Variants in ROCK2 observed in about 807,000 individuals in gnomAD.
The protein encoded by ROCK2 is Rho associated coiled-coil containing protein kinase 2.
ROCK2 carries 61 observed loss-of-function variants against 195.1 expected under a neutral mutation model. The observed-to-expected ratio is 0.31, with a 90% confidence interval of 0.25 to 0.39. The LOEUF (loss-of-function observed/expected upper bound fraction) is 0.39, where lower values mean the gene tolerates loss of function less well. ROCK2 is among the 10% of genes least tolerant of loss of function. The probability of loss-of-function intolerance (pLI) is 1.00; values close to 1 mark genes in which losing one functional copy is unlikely to be tolerated. For synonymous variants in ROCK2, 504 were observed against 545.5 expected (o/e 0.92, Z 1.06); for missense variants, 1,109 against 1,637.4 (o/e 0.68, Z 5.57).
chr2:11,255,216 C>CAAAAAAAAAAAA (rs70953375), intron 3 of ROCK2, among the ~76,000 whole-genome samples: 2 of 109,174 alleles, frequency 1.8e-5, no homozygotes, highest in African/African-American at 8.5e-5. Flanking sequence ...GACCCCATCT[C>CAAAAAAAAAAAA]AAAAAAAAAA....
Position 11,192,082 on chromosome 2 carries a change from T to G in ROCK2, c.4163+66A>C. Reference sequence around the variant, plus strand: ...AAACTAATTAGGAAAATTTGTAGTTTGAACATAAATAGCAAAATATTTTAA... The same window carrying G: ...AAACTAATTAGGAAAATTTGTAGTTGGAACATAAATAGCAAAATATTTTAA... On this transcript the variant is annotated intron_variant, in intron 32 of 32. Coordinates refer to ENST00000315872, the MANE Select transcript of ROCK2 (RefSeq NM_004850.5). This position sits in a 1 kb window ranked among gnomAD's most constrained non-coding sequence, Gnocchi z 5.0. 5.0e-6 allele frequency: 6 copies of G among 1,194,744 alleles called. No individual in the cohort carries two copies. In the South Asian group the frequency reaches 8.8e-5, roughly 18 times the overall value. 74.0% of individuals were successfully genotyped at this position (1,194,744 alleles called of 1,614,324 possible).
chr2:11,272,921 C>T (rs1198414980), intron 3 of ROCK2, among the ~76,000 whole-genome samples: 1 of 149,014 alleles, frequency 6.7e-6, no homozygotes, highest in African/African-American at 2.5e-5. Context: ...TGAAGCTAAG[C>T]TGGTATAAAT....
intron 3 of ROCK2, among the ~76,000 whole-genome samples, chr2:11,271,753 C>T (rs1306646030): frequency 1.3e-5 from 2 of 152,126 alleles, no homozygotes; most frequent in African/African-American, 4.8e-5. Context: ...CGGGGCTGGG[C>T]GCGGTGGCTC....
intron 32 of ROCK2, among the ~76,000 whole-genome samples, chr2:11,185,608 A>G (rs1398460763): frequency 2.0e-5 from 3 of 152,154 alleles, no homozygotes; most frequent in Admixed American, 6.5e-5. Context: ...AGGTGCCTGT[A>G]ATCACAGCTA....
rs777811453 is a variant in ROCK2, at chr2:11,183,398, A to G, written c.*39T>C. 1 of 1,569,446 alleles carries G rather than the reference A, an allele frequency of 6.4e-7. No individual in the cohort carries two copies. The highest frequency in any genetic ancestry group is 1.4e-5 in the African/African-American group (1 of 72,940). On this transcript the variant is annotated 3_prime_UTR_variant, in exon 33 of 33. Transcript: ENST00000315872. ...TCAGTCTTGTTTTCACTGGAAGAAT[A>G]CGATCACCTTGAATAATGACTGCTT...
intron 1 of ROCK2, among the ~76,000 whole-genome samples, chr2:11,315,840 C>T (rs1306091293): frequency 6.6e-6 from 1 of 151,986 alleles, no homozygotes; most frequent in Non-Finnish European, 1.5e-5. Context: ...GTACCAGGGG[C>T]CTTCTTCAGT....
intron 23 of ROCK2, among the ~76,000 whole-genome samples, chr2:11,200,154 T>C (rs972290086): frequency 7.9e-5 from 12 of 152,214 alleles, no homozygotes; most frequent in Admixed American, 7.9e-4. Context: ...TCTTTAATCT[T>C]ATCTTACTGA....
chr2:11,343,554 T>A (rs576335918), intron 1 of ROCK2, among the ~76,000 whole-genome samples: 2 of 152,306 alleles, frequency 1.3e-5, no homozygotes, highest in South Asian at 4.1e-4. Context: ...TGAGGGCGGC[T>A]CTTTGTCATG....
chr2:11,192,022 G>C lies in ROCK2; in HGVS notation c.4163+126C>G, dbSNP rs1050579593. ...CACATTAAGACAGTTCCAACATTTG[G>C]TATTCCATAGTTAACTAAAATACAA... On this transcript the variant is annotated intron_variant, in intron 32 of 32. Coordinates refer to ENST00000315872, the MANE Select transcript of ROCK2 (RefSeq NM_004850.5). This position sits in a 1 kb window ranked among gnomAD's most constrained non-coding sequence, Gnocchi z 5.0. 9 of 646,202 alleles carry C rather than the reference G, an allele frequency of 1.4e-5. No individual in the cohort carries two copies. The African/African-American group carries it at 1.5e-4, about 11-fold the overall frequency. 40.0% of individuals were successfully genotyped at this position (646,202 alleles called of 1,614,324 possible). A position where few individuals can be genotyped will look rare whatever the true frequency, so the allele number is the denominator to read the frequency against.
intron 17 of ROCK2, among the ~76,000 whole-genome samples, chr2:11,213,733 G>A (rs1401284522): frequency 1.3e-5 from 2 of 151,676 alleles, no homozygotes; most frequent in Non-Finnish European, 2.9e-5. Flanking sequence ...CTGCTGTCAG[G>A]TTAGGGATGC....
chr2:11,277,265 T>G (rs949081889), intron 3 of ROCK2, among the ~76,000 whole-genome samples: 3 of 152,358 alleles, frequency 2.0e-5, no homozygotes, highest in East Asian at 3.9e-4. Flanking sequence ...ATAGGTTCAC[T>G]GCCCCACAAA....
At chr2:11,218,378 G>A in intron 11 of ROCK2, 77 bp downstream of exon 11, 1 of 1,111,726 alleles carries the variant, frequency 9.0e-7, no homozygotes, top group Non-Finnish European at 1.3e-6. Flanking sequence ...TGCTAGGTAG[G>A]ATATGACTAT....
chr2:11,256,307 G>A (rs560323249), intron 3 of ROCK2, among the ~76,000 whole-genome samples: 1 of 151,196 alleles, frequency 6.6e-6, no homozygotes, highest in Non-Finnish European at 1.5e-5. Context: ...TTGTTCTCCT[G>A]ATAGTGAGTT....
intron 32 of ROCK2, among the ~76,000 whole-genome samples, chr2:11,189,996 A>G (rs917182080): frequency 2.0e-5 from 3 of 151,370 alleles, no homozygotes; most frequent in Non-Finnish European, 4.4e-5. Flanking sequence ...CCCTGTCTCA[A>G]TAATAATAAT....
chr2:11,217,221 G>A (rs774999731), intron 11 of ROCK2, 52 bp from the exon 12 acceptor site: 4 of 883,256 alleles, frequency 4.5e-6, no homozygotes, highest in South Asian at 4.1e-5. Flanking sequence ...ATTTAAAGAT[G>A]AGAGGCTTAA....
At chr2:11,337,920 G>T (rs112000639) in intron 1 of ROCK2, among the ~76,000 whole-genome samples, 3,281 of 152,124 alleles carry the variant, frequency 0.022, 112 homozygotes, top group African/African-American at 0.074. Flanking sequence ...TGAGATTACA[G>T]GCATGAGCCA....
chr2:11,319,356 CTTTG>C (rs1255915940), intron 1 of ROCK2, among the ~76,000 whole-genome samples: 1 of 152,154 alleles, frequency 6.6e-6, no homozygotes, highest in Non-Finnish European at 1.5e-5. Context: ...ATTTTATTCT[CTTTG>C]AAGCAATTGT....
chr2:11,233,065 T>C (rs1394473929), intron 5 of ROCK2, among the ~76,000 whole-genome samples: 3 of 151,736 alleles, frequency 2.0e-5, no homozygotes, highest in Admixed American at 6.6e-5. Context: ...TATTAAAAAA[T>C]GAACCAGGCA....
At chr2:11,307,602 G>A (rs766926331) in intron 1 of ROCK2, among the ~76,000 whole-genome samples, 3 of 152,034 alleles carry the variant, frequency 2.0e-5, no homozygotes, top group Non-Finnish European at 2.9e-5. Flanking sequence ...GTTAGCCACC[G>A]CACCCAGCCA....
Sources: allele counts gnomAD v4.1 joint callset (sites outside exome capture counted in the v4.1 genomes callset), GRCh38; gene constraint gnomAD v4.1.1; non-coding constraint Gnocchi (gnomAD v3.1); transcripts MANE v1.5; gene names NCBI Gene and HGNC (gene_info 2026-07-23, HGNC 2026-07-21).